Variants in TBC1D5 observed in about 807,000 individuals in gnomAD.
TBC1D5 encodes TBC1 domain family member 5.
Under a neutral mutation model 100.3 loss-of-function variants are expected in TBC1D5, and 75 were observed. The observed-to-expected ratio is 0.75, with a 90% CI of 0.62 to 0.91. The LOEUF (loss-of-function observed/expected upper bound fraction) is 0.91, where lower values mean the gene tolerates loss of function less well. Among genes scored for constraint, TBC1D5 ranks in the 40% least tolerant of loss-of-function variants. The pLI is 0.00. For missense variants in TBC1D5, 910 were observed against 942.4 expected, an observed-to-expected ratio of 0.97 and a Z score of 0.45; for synonymous variants, 323 against 325.6, an observed-to-expected ratio of 0.99 and a Z score of 0.09.
chr3:17,503,576 A>G (rs1322572928), intron 3 of TBC1D5, among the ~76,000 whole-genome samples: 2 of 149,602 alleles, frequency 1.3e-5, no homozygotes, highest in African/African-American at 2.5e-5. Flanking sequence ...GCTTAAGAAA[A>G]GCTGCTACTC....
intron 2 of TBC1D5, among the ~76,000 whole-genome samples, chr3:17,530,883 A>T (rs1299070874): frequency 6.6e-6 from 1 of 152,228 alleles, no homozygotes; most frequent in Non-Finnish European, 1.5e-5. Flanking sequence ...TATCATACCG[A>T]ATGGACAAAA....
chr3:17,339,412 T>C (rs922041879), intron 13 of TBC1D5, among the ~76,000 whole-genome samples: 1 of 152,144 alleles, frequency 6.6e-6, no homozygotes, highest in East Asian at 1.9e-4. Flanking sequence ...CCTGAGTAAA[T>C]TTTTCACGTG....
intron 3 of TBC1D5, among the ~76,000 whole-genome samples, chr3:17,475,251 A>T (rs912876327): frequency 6.6e-5 from 10 of 151,804 alleles, no homozygotes; most frequent in Middle Eastern, 3.2e-3. Flanking sequence ...ATATCTTAAG[A>T]CTTTACATCT....
chr3:17,702,158 G>A (rs947484710), intron 1 of TBC1D5: 2 of 152,086 alleles, frequency 1.3e-5, no homozygotes, highest in Non-Finnish European at 2.9e-5. Flanking sequence ...TCTTCAATGT[G>A]AGGTGAGCTA....
At chr3:17,704,556 C>A (rs1577642919) in intron 1 of TBC1D5, among the ~76,000 whole-genome samples, 1 of 51,666 alleles carries the variant, frequency 1.9e-5, no homozygotes, top group Non-Finnish European at 4.0e-5. Context: ...GGGGGCCGAC[C>A]CCCCCCACCT....
rs149963649 is a variant in TBC1D5, at chr3:17,281,385, G to A, written c.1245+10510C>T. ...ATCATATTAAGACACTTGGAAAAAT[G>A]TGTAACTATCAGCATATGAGGACCA... On this transcript the variant is annotated intron_variant, in intron 15 of 21. Transcript: ENST00000253692. Among the ~76,000 whole-genome samples the A allele has an allele frequency of 5.9e-5, 9 of 152,308 alleles. No homozygotes were observed. The East Asian group carries it at 1.7e-3, about 29-fold the overall frequency.
intron 2 of TBC1D5, among the ~76,000 whole-genome samples, chr3:17,538,541 A>G (rs926016762): frequency 6.6e-6 from 1 of 152,258 alleles, no homozygotes; most frequent in South Asian, 2.1e-4. Context: ...TCCTGCTTTA[A>G]AACTTTTTAA....
intron 8 of TBC1D5, among the ~76,000 whole-genome samples, chr3:17,398,866 A>T (rs2093575677): frequency 6.6e-6 from 1 of 152,102 alleles, no homozygotes; most frequent in East Asian, 1.9e-4. Context: ...TGACAGATGG[A>T]CCTAAATAAA....
intron 17 of TBC1D5, among the ~76,000 whole-genome samples, chr3:17,234,318 G>C (rs185889837): frequency 2.8e-4 from 43 of 151,900 alleles, no homozygotes; most frequent in Admixed American, 2.5e-3. Context: ...CCCTTCACTT[G>C]ATATACTTAT....
intron 13 of TBC1D5, among the ~76,000 whole-genome samples, chr3:17,309,107 A>T (rs1262339888): frequency 6.6e-6 from 1 of 151,758 alleles, no homozygotes; most frequent in African/African-American, 2.4e-5. Flanking sequence ...ATAGTATAGA[A>T]TAACCTTTAA....
At chr3:17,459,692 G>A (rs2095165289) in intron 3 of TBC1D5, among the ~76,000 whole-genome samples, 1 of 151,554 alleles carries the variant, frequency 6.6e-6, no homozygotes, top group African/African-American at 2.4e-5. Context: ...GAGCCCAGGA[G>A]TTCAGGGCCA....
chr3:17,737,984 A>G (rs1380303829), intron 1 of TBC1D5, among the ~76,000 whole-genome samples: 2 of 152,184 alleles, frequency 1.3e-5, no homozygotes, highest in Non-Finnish European at 2.9e-5. Flanking sequence ...TTTTCATCCA[A>G]ACTAATGGAC....
chr3:17,444,878 T>C (rs1223733691), intron 3 of TBC1D5, among the ~76,000 whole-genome samples: 3 of 152,128 alleles, frequency 2.0e-5, no homozygotes, highest in African/African-American at 7.2e-5. Context: ...TGTTACACAA[T>C]AGCATTACAG....
intron 1 of TBC1D5, among the ~76,000 whole-genome samples, chr3:17,729,185 C>T (rs1382965340): frequency 6.6e-6 from 1 of 151,894 alleles, no homozygotes; most frequent in Non-Finnish European, 1.5e-5. Context: ...CAAATTAGTT[C>T]TCTCCTGCAC....
At chr3:17,447,830 T>A (rs2094835246) in intron 3 of TBC1D5, among the ~76,000 whole-genome samples, 1 of 152,246 alleles carries the variant, frequency 6.6e-6, no homozygotes, top group Non-Finnish European at 1.5e-5. Context: ...TTTTCCCATC[T>A]AACAGGATCT....
intron 17 of TBC1D5, among the ~76,000 whole-genome samples, chr3:17,224,263 C>T (rs2074604257): frequency 6.6e-6 from 1 of 152,136 alleles, no homozygotes; most frequent in African/African-American, 2.4e-5. Context: ...GTGGAGCTAC[C>T]ATAAATGTTT....
chr3:17,278,974 A>G (rs1402469611), intron 15 of TBC1D5, among the ~76,000 whole-genome samples: 1 of 152,236 alleles, frequency 6.6e-6, no homozygotes, highest in Admixed American at 6.5e-5. Context: ...CTTTGTTAAG[A>G]ACATCACAAA....
At chr3:17,608,619 A>G (rs1409759744) in intron 2 of TBC1D5, among the ~76,000 whole-genome samples, 1 of 152,198 alleles carries the variant, frequency 6.6e-6, no homozygotes, top group Non-Finnish European at 1.5e-5. Context: ...TTAGAATTAC[A>G]CAATATATTA....
chr3:17,486,845 A>T (rs1469292934), intron 3 of TBC1D5, among the ~76,000 whole-genome samples: 2 of 152,158 alleles, frequency 1.3e-5, no homozygotes, highest in African/African-American at 4.8e-5. Flanking sequence ...TGAATGTTTC[A>T]ATCTTTCTGG....
Sources: allele counts gnomAD v4.1 joint callset (sites outside exome capture counted in the v4.1 genomes callset), GRCh38; gene constraint gnomAD v4.1.1; transcripts MANE v1.5; gene names NCBI Gene and HGNC (gene_info 2026-07-23, HGNC 2026-07-21).